Variants in PREX1 observed in about 807,000 individuals in gnomAD.
PREX1 encodes the protein phosphatidylinositol 3,4,5-trisphosphate-dependent Rac exchanger 1 protein.
A neutral mutation model predicts 198.3 loss-of-function variants in PREX1; 41 were observed. That is an observed-to-expected ratio of 0.21 (90% CI 0.16 to 0.27). PREX1 has a LOEUF of 0.27. PREX1 is among the 10% of genes least tolerant of loss of function. The probability of loss-of-function intolerance (pLI) is 1.00; values close to 1 mark genes in which losing one functional copy is unlikely to be tolerated. For missense variants in PREX1, 1,620 were observed against 2,200.7 expected (o/e 0.74, Z 5.28); for synonymous variants, 843 against 887.2 (o/e 0.95, Z 0.89).
intron 1 of PREX1, among the ~76,000 whole-genome samples, chr20:48,802,035 C>A (rs1054760938): frequency 6.6e-6 from 1 of 152,174 alleles, no homozygotes; most frequent in African/African-American, 2.4e-5. Flanking sequence ...CCAGCCTGTG[C>A]AACTGTGAGC....
chr20:48,660,209 A>T lies in PREX1; in HGVS notation c.1739-148T>A. 3 of 968,230 alleles carry T rather than the reference A, an allele frequency of 3.1e-6. No homozygotes were observed. The Admixed American group carries it at 6.7e-5, about 22-fold the overall frequency. The allele number at this position is 968,230 out of a possible 1,614,324, so 60.0% of individuals were successfully genotyped here. A position where few individuals can be genotyped will look rare whatever the true frequency, so the allele number is the denominator to read the frequency against. ...TCTATTAAAATGGAATCATATGCCA[A>T]CACTAACATATTAGGATATTTCACA... On this transcript the variant is annotated intron_variant, in intron 15 of 39. Transcript: ENST00000371941.
the PREX1 span, among the ~76,000 whole-genome samples, chr20:48,886,654 A>G: frequency 6.6e-6 from 1 of 152,246 alleles, no homozygotes; most frequent in South Asian, 2.1e-4. Flanking sequence ...AAGTTAAGTA[A>G]AAGACAAAAA....
At chr20:48,672,246 G>C (rs866555194) in intron 14 of PREX1, among the ~76,000 whole-genome samples, 1 of 152,210 alleles carries the variant, frequency 6.6e-6, no homozygotes, top group South Asian at 2.1e-4. Context: ...CAAGCCAAAG[G>C]CTTTGGAGTC....
the PREX1 span, among the ~76,000 whole-genome samples, chr20:48,879,792 C>G: frequency 2.0e-5 from 3 of 152,204 alleles, no homozygotes; most frequent in African/African-American, 7.2e-5. Context: ...CAGGCATGGG[C>G]ACCAGGCCAA....
intron 5 of PREX1, among the ~76,000 whole-genome samples, chr20:48,709,496 A>T (rs1334018495): frequency 6.6e-6 from 1 of 152,194 alleles, no homozygotes; most frequent in Non-Finnish European, 1.5e-5. Context: ...ACCTGTGATG[A>T]TGAGGATGAT....
intron 35 of PREX1, 38 bp from the exon 36 acceptor site, chr20:48,630,832 C>A (rs371056859): frequency 1.4e-6 from 2 of 1,467,464 alleles, no homozygotes; most frequent in Non-Finnish European, 1.9e-6. Flanking sequence ...GGGGCCACCA[C>A]ACCCACCATC....
chr20:48,799,673 T>C (rs1287265163), intron 1 of PREX1, among the ~76,000 whole-genome samples: 1 of 152,006 alleles, frequency 6.6e-6, no homozygotes, highest in Non-Finnish European at 1.5e-5. Flanking sequence ...TCCAGCCCCA[T>C]TTTAGATAGG....
intron 37 of PREX1, 35 bp from the exon 38 acceptor site, chr20:48,627,998 TG>T (rs11477906): frequency 0.12 from 112,152 of 949,968 alleles, 6,586 homozygotes; most frequent in East Asian, 0.24. Flanking sequence ...GGGTTGGCGG[TG>T]GGGGGACAGG....
chr20:48,711,506 C>T (rs1180471076), intron 5 of PREX1, among the ~76,000 whole-genome samples: 2 of 152,086 alleles, frequency 1.3e-5, no homozygotes, highest in African/African-American at 4.8e-5. Flanking sequence ...GACCCCCGCC[C>T]CAGGTTCTAC....
At chr20:48,739,598 ATT>A (rs1478335652) in intron 3 of PREX1, among the ~76,000 whole-genome samples, 1 of 152,118 alleles carries the variant, frequency 6.6e-6, no homozygotes, top group Non-Finnish European at 1.5e-5. Flanking sequence ...CATTTGTTAA[ATT>A]ACCCTCTGTT....
At chr20:48,792,709 AAAC>A (rs2090343645) in intron 1 of PREX1, among the ~76,000 whole-genome samples, 3 of 152,190 alleles carry the variant, frequency 2.0e-5, no homozygotes, top group South Asian at 4.1e-4. Flanking sequence ...ATGAATGGAT[AAAC>A]AAAATGTATA....
intron 1 of PREX1, among the ~76,000 whole-genome samples, chr20:48,767,261 G>A (rs1282957647): frequency 6.6e-6 from 1 of 152,158 alleles, no homozygotes; most frequent in Non-Finnish European, 1.5e-5. Flanking sequence ...CACAGACTAC[G>A]ACAGCTCACC....
chr20:48,733,516 A>T (rs2090043626), intron 4 of PREX1, among the ~76,000 whole-genome samples: 1 of 152,184 alleles, frequency 6.6e-6, no homozygotes, highest in Non-Finnish European at 1.5e-5. Flanking sequence ...ATAAGTCTGG[A>T]GCTGCTGGAG....
At chr20:48,784,504 C>T (rs1321590831) in intron 1 of PREX1, among the ~76,000 whole-genome samples, 2 of 152,142 alleles carry the variant, frequency 1.3e-5, no homozygotes, top group South Asian at 2.1e-4. Flanking sequence ...CTCAATATTG[C>T]TATGTTAGGG....
intron 1 of PREX1, among the ~76,000 whole-genome samples, chr20:48,818,082 G>A (rs2090466609): frequency 6.6e-6 from 1 of 152,202 alleles, no homozygotes; most frequent in African/African-American, 2.4e-5. Context: ...GTGGAGGGCT[G>A]AGCCACGGGG....
At chr20:48,793,393 G>C (rs2090347042) in intron 1 of PREX1, among the ~76,000 whole-genome samples, 1 of 152,168 alleles carries the variant, frequency 6.6e-6, no homozygotes, top group Non-Finnish European at 1.5e-5. Context: ...CACTGGAGTG[G>C]ACACTTTGGG....
At chr20:48,665,929 G>A (rs922805363) in intron 15 of PREX1, among the ~76,000 whole-genome samples, 2 of 152,170 alleles carry the variant, frequency 1.3e-5, no homozygotes, top group South Asian at 4.1e-4. Flanking sequence ...CTGTCCCACA[G>A]GGCACAGCTC....
At chr20:48,626,317 A>G (rs1374166060) in intron 39 of PREX1, among the ~76,000 whole-genome samples, 2 of 152,224 alleles carry the variant, frequency 1.3e-5, no homozygotes, top group Admixed American at 6.5e-5. Flanking sequence ...CCGGGGGACC[A>G]GACAGGAGGC....
At chr20:48,699,255 C>A (rs2089862704) in intron 7 of PREX1, among the ~76,000 whole-genome samples, 1 of 152,184 alleles carries the variant, frequency 6.6e-6, no homozygotes, top group Non-Finnish European at 1.5e-5. Context: ...GGCCTAAGAC[C>A]TGGACCTCAG....
Sources: allele counts gnomAD v4.1 joint callset (sites outside exome capture counted in the v4.1 genomes callset), GRCh38; gene constraint gnomAD v4.1.1; transcripts MANE v1.5; gene names NCBI Gene and HGNC (gene_info 2026-07-23, HGNC 2026-07-21).